The following RHCG variants were observed in gnomAD, a reference collection of about 807,000 sequenced individuals.
RHCG encodes the protein Rh family C glycoprotein, also known as ammonium transporter Rh type C.
In RHCG, 39 loss-of-function variants were observed where a neutral mutation model predicts 55.3. The ratio of observed to expected loss-of-function variants is 0.70; its 90% CI spans 0.55 to 0.92. RHCG has a LOEUF of 0.92. Among genes scored for constraint, RHCG ranks in the 40% least tolerant of loss-of-function variants. The pLI is 0.00. For synonymous variants in RHCG, 250 were observed against 246.8 expected (o/e 1.01, Z -0.12); for missense variants, 635 against 627.9 (o/e 1.01, Z -0.12).
rs750042872 is a variant in RHCG, at chr15:89,476,727, TTCAGGGGG to T, written c.1311+20_1311+27del. 6.2e-7 allele frequency: 1 copy of T among 1,603,862 alleles called. No homozygotes were observed. The highest frequency in any genetic ancestry group is 1.1e-5 in the South Asian group (1 of 90,916). On this transcript the variant is annotated intron_variant, in intron 9 of 10. Transcript: ENST00000268122. ...CAGGGAGGGAACGCAGCTGCCCTCC[TTCAGGGGG>T]CCAAGTCCCTGGAACTCACCTCCCA...
At chr15:89,493,505 A>G (rs982090096) in intron 1 of RHCG, among the ~76,000 whole-genome samples, 8 of 152,204 alleles carry the variant, frequency 5.3e-5, no homozygotes, top group African/African-American at 1.9e-4. Flanking sequence ...GATGCCCAGC[A>G]GGCTTCACTC....
At chr15:89,475,326 CCCCG>C (rs1238414497) in intron 9 of RHCG, among the ~76,000 whole-genome samples, 1 of 152,172 alleles carries the variant, frequency 6.6e-6, no homozygotes, top group Non-Finnish European at 1.5e-5. Flanking sequence ...ACCTCTGCCC[CCCCG>C]CCCCAGGGTT....
intron 3 of RHCG, among the ~76,000 whole-genome samples, chr15:89,481,723 GA>G (rs1961270509): frequency 6.6e-6 from 1 of 152,216 alleles, no homozygotes. Flanking sequence ...TCTCCTGAAT[GA>G]AATGTTAAAA....
chr15:89,478,894 C>G (rs1596403415), intron 5 of RHCG, among the ~76,000 whole-genome samples: 2 of 152,052 alleles, frequency 1.3e-5, no homozygotes, highest in South Asian at 4.1e-4. Context: ...AATTTGAGAC[C>G]AGCCTGACGA....
chr15:89,479,515 G>A (rs769962365), intron 4 of RHCG, 27 bp from the exon 5 acceptor site: 4 of 1,589,638 alleles, frequency 2.5e-6, no homozygotes, highest in Non-Finnish European at 3.4e-6. Flanking sequence ...GGCCCAATGG[G>A]CCCGGGAGGA....
chr15:89,486,564 CAGAGAGAGAGAGAG>C lies in RHCG; in HGVS notation c.371+221_371+234del, dbSNP rs59120813. On this transcript the variant is annotated intron_variant, in intron 2 of 10. Transcript: ENST00000268122. Reference sequence around the variant, plus strand: ...AAGCGAAGTGAGAGAGAGAGAGAGACAGAGAGAGAGAGAGAGAGAGAGAGAGAGAGAGAGAGTGT... The same window carrying C: ...AAGCGAAGTGAGAGAGAGAGAGAGACAGAGAGAGAGAGAGAGAGAGAGTGT... 3.3e-3 allele frequency: 879 copies of C among 269,012 alleles called. 16 individuals carry two copies. Among genetic ancestry groups the C allele is most frequent in the African/African-American group, 0.028 (831 of 29,176 alleles). The allele number at this position is 269,012 out of a possible 1,614,324, so 16.7% of individuals were successfully genotyped here.
chr15:89,494,035 G>A (rs965464329), intron 1 of RHCG, among the ~76,000 whole-genome samples: 3 of 152,070 alleles, frequency 2.0e-5, no homozygotes, highest in African/African-American at 7.2e-5. Flanking sequence ...ACTAGCAGGG[G>A]AAACTCAAGG....
intron 3 of RHCG, among the ~76,000 whole-genome samples, chr15:89,481,104 A>T (rs1461847771): frequency 6.6e-6 from 1 of 152,112 alleles, no homozygotes; most frequent in African/African-American, 2.4e-5. Flanking sequence ...TAGCTGTGTG[A>T]CCTTAGGTGA....
rs1263351643 is a variant in RHCG, at chr15:89,486,591, AGAGAGAGAGTGTGTGTGTGT to A, written c.371+188_371+207del. On this transcript the variant is annotated intron_variant, in intron 2 of 10. Transcript: ENST00000268122. The stretch of plus-strand genomic sequence containing the variant: ...GAGAGAGAGAGAGAGAGAGAGAGAG[AGAGAGAGAGTGTGTGTGTGT>A]GTGTGTGTGTGTGTGTGTGTGTGTG... 9.1e-5 allele frequency: 43 copies of A among 471,674 alleles called. No individual in the cohort carries two copies. The African/African-American group carries it at 1.2e-3, about 13-fold the overall frequency. 29.2% of individuals were successfully genotyped at this position (471,674 alleles called of 1,614,324 possible).
In RHCG at chr15:89,477,240, A is replaced by G; in HGVS notation, c.1113-34T>C. On this transcript the variant is annotated intron_variant, in intron 7 of 10. Coordinates refer to ENST00000268122, the MANE Select transcript of RHCG (RefSeq NM_016321.3). The surrounding 1 kb of genome is among the most constrained non-coding windows in gnomAD (Gnocchi z 4.5). Reference sequence around the variant, plus strand: ...GAGACAGGGGGCAGGTCAGGGCCCCATGGAGAGGCCAAGTAACAGCTTGCT... The same window carrying G: ...GAGACAGGGGGCAGGTCAGGGCCCCGTGGAGAGGCCAAGTAACAGCTTGCT... The G allele has an allele frequency of 6.2e-7, 1 of 1,611,992 alleles. No individual in the cohort carries two copies. The highest frequency in any genetic ancestry group is 8.5e-7 in the Non-Finnish European group (1 of 1,178,726).
chr15:89,473,586 A>C (rs1057401597), intron 9 of RHCG, among the ~76,000 whole-genome samples: 3 of 152,214 alleles, frequency 2.0e-5, no homozygotes, highest in Non-Finnish European at 2.9e-5. Context: ...CAGGTTGAAA[A>C]TATTTAGAAA....
chr15:89,481,194 A>G (rs991728520), intron 3 of RHCG, among the ~76,000 whole-genome samples: 5 of 152,350 alleles, frequency 3.3e-5, no homozygotes, highest in African/African-American at 1.2e-4. Flanking sequence ...TCATGCCTGT[A>G]ATCCCAGCAC....
At position 89,496,407 on chromosome 15, in the gene RHCG, G is replaced by A. The variant is rs760486720; in HGVS notation, c.138C>T (p.His46=). The A allele has an allele frequency of 5.6e-6, 9 of 1,614,054 alleles. No homozygotes were observed. The South Asian group carries it at 8.8e-5, about 16-fold the overall frequency. The change falls in exon 1 of 11, where the codon CAC becomes CAT. Residue 46 remains histidine (H), a synonymous_variant. Coordinates refer to ENST00000268122, the MANE Select transcript of RHCG (RefSeq NM_016321.3). ...ADAHWWSERT[H]KNLSDMENEF... ...CGTTCTCCATGTCGCTCAAGTTCTT[G>A]TGCGTCCTCTCTGACCACCAGTGGG...
At chr15:89,483,024 A>G (rs1404978940) in intron 3 of RHCG, 43 bp downstream of exon 3, 6 of 1,514,634 alleles carry the variant, frequency 4.0e-6, no homozygotes, top group Non-Finnish European at 5.4e-6. Context: ...GCTGTCCCCC[A>G]AAGCACCCCC....
chr15:89,485,570 G>A (rs548777547), intron 2 of RHCG, among the ~76,000 whole-genome samples: 69 of 152,336 alleles, frequency 4.5e-4, no homozygotes, highest in African/African-American at 1.5e-3. Flanking sequence ...ATACCAGTTT[G>A]CCTCTAAGCC....
intron 9 of RHCG, among the ~76,000 whole-genome samples, chr15:89,473,838 A>G (rs968725349): frequency 1.3e-5 from 2 of 152,204 alleles, no homozygotes; most frequent in South Asian, 2.1e-4. Context: ...CTCAAGGTAT[A>G]TAGAGCTGAG....
At chr15:89,495,274 G>A (rs952685205) in intron 1 of RHCG, among the ~76,000 whole-genome samples, 3 of 152,162 alleles carry the variant, frequency 2.0e-5, no homozygotes, top group Non-Finnish European at 4.4e-5. Flanking sequence ...CATGCAGGCT[G>A]CCATTCTGAA....
intron 1 of RHCG, among the ~76,000 whole-genome samples, chr15:89,492,337 G>A (rs1189496859): frequency 1.3e-5 from 2 of 152,140 alleles, no homozygotes; most frequent in Non-Finnish European, 2.9e-5. Flanking sequence ...CCACACTAAT[G>A]GGCCTCTGCA....
At position 89,477,482 on chromosome 15, in the gene RHCG, G is replaced by A. The variant is rs1567224898; in HGVS notation, c.1112+35C>T. The A allele has an allele frequency of 6.2e-7, 1 of 1,610,124 alleles. No individual in the cohort carries two copies. The highest frequency in any genetic ancestry group is 8.5e-7 in the Non-Finnish European group (1 of 1,177,758). On this transcript the variant is annotated intron_variant, in intron 7 of 10. Coordinates refer to ENST00000268122, the MANE Select transcript of RHCG (RefSeq NM_016321.3). The surrounding 1 kb of genome is among the most constrained non-coding windows in gnomAD (Gnocchi z 4.5). ...AAGAAGGGATGGGAGAAGGAAGGGGGAAGCTCCATCCCACCGCACCTCCTC... is the reference window on the plus strand; with the variant it reads ...AAGAAGGGATGGGAGAAGGAAGGGGAAAGCTCCATCCCACCGCACCTCCTC...
Sources: gnomAD v4.1 joint callset for allele counts (sites outside exome capture counted in the v4.1 genomes callset) on GRCh38, gnomAD v4.1.1 for gene constraint, Gnocchi (gnomAD v3.1) non-coding constraint, MANE v1.5 for transcripts, NCBI Gene and HGNC (gene_info 2026-07-23, HGNC 2026-07-21) for gene names.